The following IL1RAPL2 variants were observed in gnomAD, a reference collection of about 807,000 sequenced individuals.
IL1RAPL2 encodes X-linked interleukin-1 receptor accessory protein-like 2.
Under a neutral mutation model 44.1 loss-of-function variants are expected in IL1RAPL2, and 3 were observed. The observed-to-expected ratio is 0.07, with a 90% CI of 0.03 to 0.18. The LOEUF (loss-of-function observed/expected upper bound fraction) is 0.18, where lower values mean the gene tolerates loss of function less well. Among genes scored for constraint, IL1RAPL2 ranks in the 10% least tolerant of loss-of-function variants. The pLI is 1.00. For synonymous variants in IL1RAPL2, 181 were observed against 178.8 expected, an observed-to-expected ratio of 1.01 and a Z score of -0.10; for missense variants, 391 against 496.4, an observed-to-expected ratio of 0.79 and a Z score of 2.02.
intron 2 of IL1RAPL2, among the ~76,000 whole-genome samples, chrX:104,943,424 G>A (rs1184688709): frequency 3.6e-5 from 4 of 111,738 alleles, no homozygotes; most frequent in African/African-American, 1.3e-4. Context: ...AACTTATCTT[G>A]CTTCCAAATT....
intron 2 of IL1RAPL2, among the ~76,000 whole-genome samples, chrX:104,795,405 C>T: frequency 1.0e-5 from 1 of 97,250 alleles, no homozygotes; most frequent in East Asian, 3.5e-4. Flanking sequence ...AGACTTCTAT[C>T]CCTCTCTCCC....
intron 2 of IL1RAPL2, among the ~76,000 whole-genome samples, chrX:104,994,139 A>G (rs1055200052): frequency 1.8e-5 from 2 of 112,058 alleles, no homozygotes; most frequent in African/African-American, 6.5e-5. Context: ...GAAACAATCC[A>G]GATTTCTATC....
chrX:104,988,822 T>G (rs2030608299), intron 2 of IL1RAPL2, among the ~76,000 whole-genome samples: 1 of 112,026 alleles, frequency 8.9e-6, no homozygotes, highest in South Asian at 3.7e-4. Flanking sequence ...TATGGACATG[T>G]ACCTTTCTAA....
intron 1 of IL1RAPL2, among the ~76,000 whole-genome samples, chrX:104,582,596 T>TTTTCTTTCTTTCTTTCTTTC (rs201257788): frequency 3.4e-4 from 18 of 52,189 alleles, no homozygotes; most frequent in Non-Finnish European, 6.8e-4. Context: ...CTTTCTTTCT[T>TTTTCTTTCTTTCTTTCTTTC]TTTCTTTCTT....
intron 5 of IL1RAPL2, among the ~76,000 whole-genome samples, chrX:105,444,399 C>T (rs1429681300): frequency 1.8e-5 from 2 of 110,874 alleles, no homozygotes; most frequent in Non-Finnish European, 3.8e-5. Context: ...TGGGGTGTTA[C>T]TCAGGAAACT....
chrX:105,359,044 C>T (rs779092962), intron 5 of IL1RAPL2, among the ~76,000 whole-genome samples: 25 of 112,064 alleles, frequency 2.2e-4, no homozygotes, highest in Non-Finnish European at 3.9e-4. Context: ...TTTGGCCATA[C>T]GCCACTCCCT....
intron 2 of IL1RAPL2, among the ~76,000 whole-genome samples, chrX:104,999,983 T>C (rs1049076490): frequency 1.8e-5 from 2 of 110,500 alleles, no homozygotes; most frequent in African/African-American, 6.6e-5. Context: ...ATAAGACTTT[T>C]CTAATTTGTC....
chrX:105,314,082 A>G (rs2034818414), intron 5 of IL1RAPL2, among the ~76,000 whole-genome samples: 1 of 112,041 alleles, frequency 8.9e-6, no homozygotes, highest in Non-Finnish European at 1.9e-5. Context: ...GAGTTTTCTG[A>G]ATACACTAAA....
At chrX:104,567,300 C>T (rs1216087001) in intron 1 of IL1RAPL2, among the ~76,000 whole-genome samples, 1 of 112,930 alleles carries the variant, frequency 8.9e-6, no homozygotes, top group Non-Finnish European at 1.9e-5. Flanking sequence ...CCTTCAGGTG[C>T]CCGCGAGCCC....
At chrX:105,665,346 T>C (rs477419) in intron 6 of IL1RAPL2, among the ~76,000 whole-genome samples, 6,007 of 49,401 alleles carry the variant, frequency 0.12, 294 homozygotes, top group African/African-American at 0.34. Flanking sequence ...TGCGCGTGCG[T>C]GTGTGTGTGT....
At chrX:104,681,945 A>T (rs938498956) in intron 2 of IL1RAPL2, among the ~76,000 whole-genome samples, 1 of 112,755 alleles carries the variant, frequency 8.9e-6, no homozygotes, top group Admixed American at 9.4e-5. Context: ...TATCTAAGTG[A>T]GGATTGTCTC....
chrX:104,567,680 C>G (rs1180922210), intron 1 of IL1RAPL2, among the ~76,000 whole-genome samples: 1 of 112,246 alleles, frequency 8.9e-6, no homozygotes, highest in Non-Finnish European at 1.9e-5. Flanking sequence ...TCCCAGGTCC[C>G]CACTGCTGCT....
chrX:104,685,910 AGAGT>A (rs1283059942), intron 2 of IL1RAPL2, among the ~76,000 whole-genome samples: 2 of 109,803 alleles, frequency 1.8e-5, no homozygotes, highest in African/African-American at 6.6e-5. Context: ...CCTGGGCAAC[AGAGT>A]GAGACTCTGT....
rs145070518 is a variant in IL1RAPL2, at chrX:104,681,937, T to C, written c.82+22942T>C. ...TGGCTAGAATGACCACCCATAAATA[T>C]CTAAGTGAGGATTGTCTCTTTCACC... On this transcript the variant is annotated intron_variant, in intron 2 of 10. Coordinates refer to ENST00000372582, the MANE Select transcript of IL1RAPL2 (RefSeq NM_017416.2). Among the ~76,000 whole-genome samples the C allele has an allele frequency of 3.8e-4, 43 of 112,713 alleles. No individual in the cohort carries two copies. In the East Asian group the frequency reaches 4.7e-3, roughly 12 times the overall value.
At chrX:104,814,525 T>C (rs990359559) in intron 2 of IL1RAPL2, among the ~76,000 whole-genome samples, 10 of 112,305 alleles carry the variant, frequency 8.9e-5, no homozygotes, top group Middle Eastern at 4.6e-3. Flanking sequence ...TCAATGGATA[T>C]TTGACTGATT....
intron 2 of IL1RAPL2, among the ~76,000 whole-genome samples, chrX:105,193,979 C>T (rs2033654027): frequency 9.0e-6 from 1 of 111,386 alleles, no homozygotes; most frequent in South Asian, 3.8e-4. Context: ...GATCAGAAAC[C>T]AGAGTTCAAA....
chrX:105,510,674 G>A (rs1210627350), intron 6 of IL1RAPL2, among the ~76,000 whole-genome samples: 1 of 111,575 alleles, frequency 9.0e-6, no homozygotes, highest in African/African-American at 3.3e-5. Flanking sequence ...CAGAAGAATA[G>A]GTCAGAGTGA....
At chrX:105,278,431 T>C (rs2147662157) in intron 5 of IL1RAPL2, among the ~76,000 whole-genome samples, 1 of 111,012 alleles carries the variant, frequency 9.0e-6, no homozygotes, top group African/African-American at 3.3e-5. Context: ...CTAGGTCCAT[T>C]ATGTATATTC....
chrX:104,655,631 T>C (rs1268069968), intron 1 of IL1RAPL2, among the ~76,000 whole-genome samples: 1 of 111,856 alleles, frequency 8.9e-6, no homozygotes, highest in Non-Finnish European at 1.9e-5. Flanking sequence ...TCTAAAATTC[T>C]CTTTTTTTTG....
Sources: gnomAD v4.1 joint callset for allele counts (sites outside exome capture counted in the v4.1 genomes callset) on GRCh38, gnomAD v4.1.1 for gene constraint, MANE v1.5 for transcripts, NCBI Gene and HGNC (gene_info 2026-07-23, HGNC 2026-07-21) for gene names.